Variants in SUCO observed in about 807,000 individuals in gnomAD.
The protein encoded by SUCO is SUN domain containing ossification factor.
SUCO carries 57 observed loss-of-function variants against 148.1 expected under a neutral mutation model. The observed-to-expected ratio is 0.38, with a 90% CI of 0.31 to 0.48. The LOEUF is 0.48. SUCO is among the 20% of genes least tolerant of loss of function. The probability of loss-of-function intolerance (pLI) is 0.96; values close to 1 mark genes in which losing one functional copy is unlikely to be tolerated. For missense variants in SUCO, 1,331 were observed against 1,468.2 expected (o/e 0.91, Z 1.53); for synonymous variants, 470 against 502.7 (o/e 0.93, Z 0.87).
At chr1:172,600,224 A>G in intron 20 of SUCO, 56 bp downstream of exon 20, 2 of 1,248,578 alleles carry the variant, frequency 1.6e-6, no homozygotes, top group Non-Finnish European at 2.3e-6. Flanking sequence ...GTTGTCATAA[A>G]GCCAGGCTTG....
intron 10 of SUCO, 64 bp from the exon 11 acceptor site, chr1:172,575,454 G>A: frequency 8.5e-7 from 1 of 1,182,844 alleles, no homozygotes; most frequent in Admixed American, 2.1e-5. Flanking sequence ...TTGAAAATAT[G>A]ATAGAACCTT....
rs1297550323 is a variant in SUCO, at chr1:172,575,546, G to A, written c.1186G>A (p.Gly396Ser). 1 of 1,611,566 alleles carries A rather than the reference G, an allele frequency of 6.2e-7. No individual in the cohort carries two copies. Among genetic ancestry groups the A allele is most frequent in the South Asian group, 1.1e-5 (1 of 90,850 alleles). The change falls in exon 11 of 24, where the codon GGT becomes AGT. Residue 396 changes from glycine (G) to serine (S), a missense_variant. By Grantham distance (56) the Gly-to-Ser change is moderately conservative (BLOSUM62 0). This residue lies in a region of SUCO where 992 missense variants were observed against 1,093.5 expected (regional missense o/e 0.91). Transcript: ENST00000263688. The part of the protein sequence containing the change: ...RYPTNKWIKL[G>S]TFHGRDERNV... The stretch of plus-strand genomic sequence containing the variant: ...TCCAACAAATAAGTGGATTAAGCTG[G>A]GTACTTTTCATGGTAGAGATGAGCG...
At chr1:172,595,864 C>T (rs1237536254) in intron 19 of SUCO, among the ~76,000 whole-genome samples, 1 of 152,224 alleles carries the variant, frequency 6.6e-6, no homozygotes, top group African/African-American at 2.4e-5. Context: ...TAATACCCTG[C>T]AGCATGTTTT....
intron 9 of SUCO, among the ~76,000 whole-genome samples, chr1:172,573,117 A>G (rs73034031): frequency 4.6e-4 from 70 of 152,310 alleles, no homozygotes; most frequent in African/African-American, 1.6e-3. Context: ...TAATTTGGTA[A>G]GTTTTGACAT....
At chr1:172,592,181 T>C (rs147536276) in intron 19 of SUCO, among the ~76,000 whole-genome samples, 1,590 of 152,350 alleles carry the variant, frequency 0.01, 13 homozygotes, top group Middle Eastern at 0.02. Context: ...TATTAGCCCT[T>C]TGTCAGATGG....
intron 15 of SUCO, among the ~76,000 whole-genome samples, chr1:172,580,059 T>C (rs1257760376): frequency 6.6e-6 from 1 of 152,208 alleles, no homozygotes; most frequent in Non-Finnish European, 1.5e-5. Flanking sequence ...TGTAAGTTTT[T>C]TAGCTATTCA....
chr1:172,595,062 T>A (rs931068772), intron 19 of SUCO, among the ~76,000 whole-genome samples: 14 of 152,244 alleles, frequency 9.2e-5, no homozygotes, highest in African/African-American at 3.4e-4. Flanking sequence ...TCTTTTGATC[T>A]TTGTTGGTTT....
At chr1:172,606,634 C>T (rs1657885901) in intron 22 of SUCO, among the ~76,000 whole-genome samples, 1 of 151,664 alleles carries the variant, frequency 6.6e-6, no homozygotes, top group Non-Finnish European at 1.5e-5. Context: ...TGTTTTTATT[C>T]TTCAGAGCTT....
intron 14 of SUCO, 140 bp downstream of exon 14, chr1:172,578,529 C>G: frequency 2.2e-6 from 3 of 1,371,214 alleles, no homozygotes; most frequent in Non-Finnish European, 2.8e-6. Flanking sequence ...TAACTCTAAT[C>G]AACTTTTACT....
intron 1 of SUCO, among the ~76,000 whole-genome samples, chr1:172,546,838 A>C (rs1013611313): frequency 2.6e-5 from 4 of 152,200 alleles, no homozygotes; most frequent in African/African-American, 7.2e-5. Flanking sequence ...GAGCCCGGGA[A>C]GGGGGAGGCC....
At chr1:172,593,071 T>G (rs1306102108) in intron 19 of SUCO, among the ~76,000 whole-genome samples, 1 of 102,092 alleles carries the variant, frequency 9.8e-6, no homozygotes, top group African/African-American at 2.8e-5. Flanking sequence ...TTTGGCTCTC[T>G]GTTTGTCTGT....
rs145906362 is a variant in SUCO at position 172,557,132 on chromosome 1, C to T, written c.444-148C>T. On this transcript the variant is annotated intron_variant, in intron 4 of 23. Transcript: ENST00000263688. ...GTTATTTAGAAGCTGAGGACAATAA[C>T]AGATCAAGTCAGCAATTGACTTTAC... 323 of 1,392,826 alleles carry T rather than the reference C, an allele frequency of 2.3e-4. 1 individual carries two copies. The African/African-American group carries it at 3.4e-3, about 15-fold the overall frequency. 86.3% of individuals were successfully genotyped at this position (1,392,826 alleles called of 1,614,324 possible). A position where few individuals can be genotyped will look rare whatever the true frequency, so the allele number is the denominator to read the frequency against.
chr1:172,585,225 C>G, intron 16 of SUCO, 139 bp downstream of exon 16: 1 of 797,590 alleles, frequency 1.3e-6, no homozygotes, highest in Non-Finnish European at 1.8e-6. Flanking sequence ...ACTTACCAAT[C>G]TTTATTATTC....
At chr1:172,607,188 G>T (rs575796880) in intron 22 of SUCO, among the ~76,000 whole-genome samples, 2 of 151,900 alleles carry the variant, frequency 1.3e-5, no homozygotes, top group African/African-American at 4.8e-5. Flanking sequence ...CTTACTCAGG[G>T]TATGTTGTGT....
At chr1:172,549,966 C>T (rs1653166316) in intron 1 of SUCO, among the ~76,000 whole-genome samples, 2 of 151,540 alleles carry the variant, frequency 1.3e-5, no homozygotes, top group Non-Finnish European at 1.5e-5. Flanking sequence ...TCCCCAAAGT[C>T]TGTCTTTTAA....
rs375081684 is a variant in SUCO at position 172,604,067 on chromosome 1, G to C, written c.3265+1280G>C. ...ATTTTCCACACTGTTTTATGAATTT[G>C]CCCTTCTATCAGCTGCGTATGAGAG... On this transcript the variant is annotated intron_variant, in intron 22 of 23. Coordinates refer to ENST00000263688, the MANE Select transcript of SUCO (RefSeq NM_014283.5). 4.6e-5 allele frequency among the ~76,000 whole-genome samples: 7 copies of C among 151,876 alleles called. No individual in the cohort carries two copies. The East Asian group carries it at 1.4e-3, about 29-fold the overall frequency.
intron 22 of SUCO, among the ~76,000 whole-genome samples, chr1:172,604,757 G>A (rs1188161826): frequency 6.6e-6 from 1 of 151,698 alleles, no homozygotes. Context: ...CATATAAGTG[G>A]ATTCATACAG....
chr1:172,593,065 G>A (rs1656792279), intron 19 of SUCO, among the ~76,000 whole-genome samples: 1 of 145,058 alleles, frequency 6.9e-6, no homozygotes, highest in African/African-American at 2.4e-5. Flanking sequence ...TCATGATTTG[G>A]CTCTCTGTTT....
intron 15 of SUCO, among the ~76,000 whole-genome samples, chr1:172,581,767 T>C (rs1655901444): frequency 6.6e-6 from 1 of 152,214 alleles, no homozygotes; most frequent in Non-Finnish European, 1.5e-5. Context: ...TTGTCTTTAA[T>C]CTTAATAGAA....
Sources: gnomAD v4.1 joint callset for allele counts (sites outside exome capture counted in the v4.1 genomes callset) on GRCh38, gnomAD v4.1.1 for gene constraint, gnomAD v4.1.1 regional missense constraint, MANE v1.5 for transcripts, NCBI Gene and HGNC (gene_info 2026-07-23, HGNC 2026-07-21) for gene names.